The following KPNA7 variants were observed in gnomAD, a reference collection of about 807,000 sequenced individuals.
The protein encoded by KPNA7 is karyopherin subunit alpha 7, also known as importin subunit alpha-8.
A neutral mutation model predicts 53.7 loss-of-function variants in KPNA7; 54 were observed. That is an observed-to-expected ratio of 1.01 (90% CI 0.81 to 1.26). The LOEUF is 1.26. Ranked by LOEUF, KPNA7 falls within the 50% of genes most tolerant of loss-of-function variation. The pLI, the probability that KPNA7 is intolerant of heterozygous loss-of-function variation, is 0.00. For synonymous variants in KPNA7, 276 were observed against 259.3 expected, an observed-to-expected ratio of 1.06 and a Z score of -0.62; for missense variants, 640 against 644.5, an observed-to-expected ratio of 0.99 and a Z score of 0.07.
Position 99,195,231 on chromosome 7 carries a change from T to C in KPNA7, c.392A>G (p.Gln131Arg). ...GGTCAGGGCCCAGGCAGCCTCAAAC[T>C]GCAAGCAGGGGTAAAGTGATGACTT... is the stretch of plus-strand genomic sequence containing the variant. ...FLKSSLYPCL[Q>R]FEAAWALTNI... Residue 131 changes from glutamine (Q) to arginine (R), a missense_variant, in exon 5 of 11, where the codon CAG becomes CGG. Gln to Arg is a conservative substitution (Grantham distance 43). Transcript: ENST00000327442. 1 of 1,551,548 alleles carries C rather than the reference T, an allele frequency of 6.4e-7. No individual in the cohort carries two copies.
chr7:99,174,448 T>TCA (rs921810206), intron 10 of KPNA7, among the ~76,000 whole-genome samples: 4 of 152,112 alleles, frequency 2.6e-5, no homozygotes, highest in Non-Finnish European at 5.9e-5. Context: ...AACCATCCCC[T>TCA]CACCCCCCAG....
At chr7:99,158,891 G>A in the KPNA7 span, among the ~76,000 whole-genome samples, 29 of 151,822 alleles carry the variant, frequency 1.9e-4, no homozygotes, top group Non-Finnish European at 3.5e-4. Flanking sequence ...TTGAGAGGGA[G>A]TCTAGCTCTG....
intron 1 of KPNA7, among the ~76,000 whole-genome samples, chr7:99,218,766 C>T (rs531786408): frequency 1.2e-4 from 19 of 152,354 alleles, no homozygotes; most frequent in African/African-American, 4.6e-4. Flanking sequence ...CCCAGAGGCA[C>T]CTCCGTGGTG....
At chr7:99,159,773 C>T in the KPNA7 span, among the ~76,000 whole-genome samples, 4 of 152,106 alleles carry the variant, frequency 2.6e-5, no homozygotes, top group African/African-American at 9.7e-5. Context: ...TTCCAATTGT[C>T]TCATAAATGT....
At chr7:99,217,078 C>G (rs1791236704) in intron 1 of KPNA7, among the ~76,000 whole-genome samples, 1 of 152,180 alleles carries the variant, frequency 6.6e-6, no homozygotes, top group South Asian at 2.1e-4. Context: ...TTGGCTTCTA[C>G]AAAATAGCAT....
intron 9 of KPNA7, 61 bp downstream of exon 9, chr7:99,181,822 T>C: frequency 2.9e-6 from 4 of 1,364,274 alleles, no homozygotes; most frequent in Non-Finnish European, 3.9e-6. Flanking sequence ...AGAGCCACAT[T>C]AAATGCTTGT....
At chr7:99,204,473 AC>A (rs1790696272) in intron 2 of KPNA7, among the ~76,000 whole-genome samples, 2 of 152,176 alleles carry the variant, frequency 1.3e-5, no homozygotes, top group African/African-American at 4.8e-5. Flanking sequence ...AAATGACCTA[AC>A]CTTTCTAAAT....
At chr7:99,159,411 G>A in the KPNA7 span, among the ~76,000 whole-genome samples, 1 of 151,296 alleles carries the variant, frequency 6.6e-6, no homozygotes, top group Admixed American at 6.6e-5. Flanking sequence ...TGGGGCAGGG[G>A]GCAGTTGGTC....
chr7:99,218,125 G>A (rs948387282), intron 1 of KPNA7, among the ~76,000 whole-genome samples: 2 of 151,972 alleles, frequency 1.3e-5, no homozygotes, highest in African/African-American at 2.4e-5. Flanking sequence ...TCAGCCTCCC[G>A]AGTAGCCAGG....
chr7:99,209,704 A>T (rs796564627), upstream of KPNA7, among the ~76,000 whole-genome samples: 21 of 142,782 alleles, frequency 1.5e-4, no homozygotes, highest in African/African-American at 5.4e-4. Flanking sequence ...AAAAAAAAAA[A>T]AAAAAAGAAA....
At chr7:99,206,173 T>C (rs571606386) in intron 2 of KPNA7, among the ~76,000 whole-genome samples, 2 of 152,218 alleles carry the variant, frequency 1.3e-5, no homozygotes, top group African/African-American at 2.4e-5. Context: ...TGGTTTTTTA[T>C]TTTTTTCAGA....
chr7:99,215,244 C>T lies in KPNA7; in HGVS notation c.-23-7755G>A, dbSNP rs543184264. On this transcript the variant is annotated intron_variant, in intron 1 of 10. Coordinates refer to the KPNA7 transcript ENST00000681060. Reference sequence around the variant, plus strand: ...AAAATTAGCTGGGCGTGGTGGTGGGCGCCTGTAATCTCAGCTACTCGGGAG... The same window carrying T: ...AAAATTAGCTGGGCGTGGTGGTGGGTGCCTGTAATCTCAGCTACTCGGGAG... Among the ~76,000 whole-genome samples the T allele has an allele frequency of 2.4e-4, 36 of 151,586 alleles. 1 individual carries two copies. In the South Asian group the frequency reaches 5.4e-3, roughly 23 times the overall value.
chr7:99,156,542 G>C, the KPNA7 span, among the ~76,000 whole-genome samples: 4 of 150,916 alleles, frequency 2.7e-5, no homozygotes, highest in Admixed American at 2.0e-4. Context: ...TTTTTTGTTT[G>C]AGACAGAGTT....
At chr7:99,159,348 CAAAAAAAAAAAAAAA>C in the KPNA7 span, among the ~76,000 whole-genome samples, 42 of 58,150 alleles carry the variant, frequency 7.2e-4, 2 homozygotes, top group Admixed American at 9.3e-3. Context: ...GACACTGTCT[CAAAAAAAAAAAAAAA>C]AAAAAAAAAA....
rs1248449666 is a variant in KPNA7 at position 99,182,049 on chromosome 7, T to C, written c.1151A>G (p.Gln384Arg). 6.5e-7 allele frequency: 1 copy of C among 1,537,938 alleles called. No individual in the cohort carries two copies. The highest frequency in any genetic ancestry group is 8.8e-7 in the Non-Finnish European group (1 of 1,137,200). ...CGCCACCATCCAGACAGCCTCTTTC[T>C]GGACTTTAAATTCTCCCTGCAGAAC... is the stretch of plus-strand genomic sequence containing the variant. ...ALLKNGEFKV[Q>R]KEAVWMVANF... The change falls in exon 9 of 11, where the codon CAG becomes CGG. Residue 384 changes from glutamine (Q) to arginine (R), a missense_variant. By Grantham distance (43) the Gln-to-Arg change is conservative. Coordinates refer to ENST00000327442, the MANE Select transcript of KPNA7 (RefSeq NM_001145715.3).
At chr7:99,168,849 T>TA (rs1240926643), downstream of KPNA7, among the ~76,000 whole-genome samples, 1 of 152,136 alleles carries the variant, frequency 6.6e-6, no homozygotes, top group Non-Finnish European at 1.5e-5. Context: ...CAAAGAACTT[T>TA]AAAGTACATC....
At chr7:99,159,507 G>C in the KPNA7 span, among the ~76,000 whole-genome samples, 2 of 152,012 alleles carry the variant, frequency 1.3e-5, no homozygotes, top group African/African-American at 4.8e-5. Context: ...AGAAAGAATA[G>C]AACAGAACTC....
downstream of KPNA7, among the ~76,000 whole-genome samples, chr7:99,168,701 A>G (rs918839651): frequency 6.6e-6 from 1 of 152,020 alleles, no homozygotes; most frequent in Admixed American, 6.6e-5. Flanking sequence ...TCTTGCTATG[A>G]TGCCTAGGCT....
At chr7:99,192,813 A>G (rs1234810772) in intron 6 of KPNA7, among the ~76,000 whole-genome samples, 1 of 152,042 alleles carries the variant, frequency 6.6e-6, no homozygotes, top group African/African-American at 2.4e-5. Context: ...TTTGTTACCT[A>G]ACGAGGTTCT....
Sources: gnomAD v4.1 joint callset for allele counts (sites outside exome capture counted in the v4.1 genomes callset) on GRCh38, gnomAD v4.1.1 for gene constraint, MANE v1.5 for transcripts, NCBI Gene and HGNC (gene_info 2026-07-23, HGNC 2026-07-21) for gene names.